Variants in RGSL1 observed in about 807,000 individuals in gnomAD.
RGSL1 encodes regulator of G protein signaling like 1, also known as regulator of G protein signaling protein-like.
RGSL1 carries 97 observed loss-of-function variants against 124.7 expected under a neutral mutation model. The ratio of observed to expected loss-of-function variants is 0.78; its 90% CI spans 0.66 to 0.92. The LOEUF (loss-of-function observed/expected upper bound fraction) is 0.92, where lower values mean the gene tolerates loss of function less well. RGSL1 is among the 40% of genes least tolerant of loss of function. The pLI, the probability that RGSL1 is intolerant of heterozygous loss-of-function variation, is 0.00. For synonymous variants in RGSL1, 424 were observed against 438.1 expected (o/e 0.97, Z 0.40); for missense variants, 1,233 against 1,288.4 (o/e 0.96, Z 0.66).
chr1:182,519,799 C>T (rs1658191193), intron 9 of RGSL1, among the ~76,000 whole-genome samples: 1 of 152,030 alleles, frequency 6.6e-6, no homozygotes, highest in Non-Finnish European at 1.5e-5. Context: ...GCATCTAACT[C>T]CTAGTTCAAC....
chr1:182,531,453 AAAC>A (rs1209834243), intron 13 of RGSL1, among the ~76,000 whole-genome samples: 5 of 152,208 alleles, frequency 3.3e-5, no homozygotes, highest in Non-Finnish European at 7.3e-5. Flanking sequence ...GGTTTGAGAA[AAAC>A]AACAACAAAA....
At chr1:182,488,874 A>G in intron 7 of RGSL1, 106 bp from the exon 8 acceptor site, 1 of 845,148 alleles carries the variant, frequency 1.2e-6, no homozygotes, top group Non-Finnish European at 1.9e-6. Context: ...CAACCTGCAT[A>G]AGACCATGTA....
intron 9 of RGSL1, among the ~76,000 whole-genome samples, chr1:182,501,076 AG>A (rs972131911): frequency 6.6e-6 from 1 of 152,124 alleles, no homozygotes; most frequent in African/African-American, 2.4e-5. Context: ...TCCTGAGCTG[AG>A]GGGCAAAGCT....
At chr1:182,539,894 T>G (rs1659779348) in intron 14 of RGSL1, among the ~76,000 whole-genome samples, 1 of 152,212 alleles carries the variant, frequency 6.6e-6, no homozygotes, top group African/African-American at 2.4e-5. Context: ...TGATAAAACT[T>G]GAGTAAGCAT....
chr1:182,502,421 A>T (rs796294588), intron 9 of RGSL1, among the ~76,000 whole-genome samples: 1 of 152,148 alleles, frequency 6.6e-6, no homozygotes, highest in South Asian at 2.1e-4. Flanking sequence ...ACAAAAAATT[A>T]AAAAATTAAC....
intron 4 of RGSL1, chr1:182,471,214 G>C (rs1324244648): frequency 2.2e-6 from 1 of 455,308 alleles, no homozygotes. Context: ...CTGGCAGTGT[G>C]CAAGGCTGGG....
intron 9 of RGSL1, among the ~76,000 whole-genome samples, chr1:182,514,478 G>A (rs1657709263): frequency 1.3e-5 from 2 of 152,078 alleles, no homozygotes; most frequent in African/African-American, 2.4e-5. Flanking sequence ...TGTTCCTCAG[G>A]GTCCCATTCA....
At chr1:182,530,683 A>G (rs1290043545) in intron 12 of RGSL1, 107 bp from the exon 13 acceptor site, 5 of 1,280,256 alleles carry the variant, frequency 3.9e-6, no homozygotes, top group Admixed American at 3.1e-5. Flanking sequence ...CTATTCCCCA[A>G]TTACCACTGA....
chr1:182,554,443 G>T (rs1011734788), intron 19 of RGSL1, among the ~76,000 whole-genome samples, 184 bp from the exon 20 acceptor site: 1 of 152,136 alleles, frequency 6.6e-6, no homozygotes, highest in African/African-American at 2.4e-5. Context: ...CACACAAATT[G>T]CAGCATAGAA....
At chr1:182,547,790 G>A (rs922844164) in intron 15 of RGSL1, among the ~76,000 whole-genome samples, 1 of 152,138 alleles carries the variant, frequency 6.6e-6, no homozygotes, top group East Asian at 1.9e-4. Flanking sequence ...GAACCCGGGA[G>A]GCCAAGCTTG....
chr1:182,527,859 C>T, intron 11 of RGSL1, 87 bp downstream of exon 11: 4 of 1,160,954 alleles, frequency 3.4e-6, no homozygotes, highest in African/African-American at 1.6e-5. Context: ...CATGTGAGCC[C>T]CCAGAGAGAG....
intron 4 of RGSL1, among the ~76,000 whole-genome samples, chr1:182,466,702 GTTTA>G (rs911992044): frequency 6.6e-6 from 1 of 152,122 alleles, no homozygotes; most frequent in Non-Finnish European, 1.5e-5. Context: ...TGCCTCTGAT[GTTTA>G]TTTATGGACT....
intron 14 of RGSL1, 138 bp downstream of exon 14, chr1:182,532,929 A>G: frequency 2.2e-6 from 2 of 918,892 alleles, no homozygotes; most frequent in Non-Finnish European, 1.6e-6. Flanking sequence ...CCTGTGTGCA[A>G]AGCCAGGCCC....
rs547043424 is a variant in RGSL1, at chr1:182,506,657, A to G, written c.1825+13528A>G. ...ATATTTTTGTTTCCATTTAAATCCA[A>G]TCTGACAATTGCCTTTTAGTAAGCA... On this transcript the variant is annotated intron_variant, in intron 9 of 21. Coordinates refer to ENST00000294854, the MANE Select transcript of RGSL1 (RefSeq NM_001137669.2). Among the ~76,000 whole-genome samples, 22 of 152,216 alleles carry G rather than the reference A, an allele frequency of 1.4e-4. 1 individual carries two copies. The highest frequency in any genetic ancestry group is 5.1e-4 in the African/African-American group (21 of 41,546).
chr1:182,458,422 T>C, intron 3 of RGSL1, 29 bp downstream of exon 3: 1 of 1,499,202 alleles, frequency 6.7e-7, no homozygotes, highest in Non-Finnish European at 9.1e-7. Context: ...AGGTAGAGAG[T>C]TTAGGGTGGA....
chr1:182,516,625 T>C (rs958540588), intron 9 of RGSL1, among the ~76,000 whole-genome samples: 1 of 152,222 alleles, frequency 6.6e-6, no homozygotes, highest in African/African-American at 2.4e-5. Context: ...TTTTGCATTG[T>C]GGTTACCATA....
chr1:182,538,129 A>C (rs1659662374), intron 14 of RGSL1, among the ~76,000 whole-genome samples: 1 of 152,168 alleles, frequency 6.6e-6, no homozygotes, highest in African/African-American at 2.4e-5. Flanking sequence ...AGTGTCTTAA[A>C]AACTGTTTCA....
chr1:182,465,705 G>A lies in RGSL1; in HGVS notation c.301+5572G>A, dbSNP rs1235009800. 2.0e-5 allele frequency among the ~76,000 whole-genome samples: 3 copies of A among 151,976 alleles called. No individual in the cohort carries two copies. In the East Asian group the frequency reaches 5.8e-4, roughly 29 times the overall value. On this transcript the variant is annotated intron_variant, in intron 4 of 21. Transcript: ENST00000294854. ...GACAAAGAAAAGTCCTGGACCTGATGGTTTTACTGGTGACTTATACCCCAA... is the reference window on the plus strand; with the variant it reads ...GACAAAGAAAAGTCCTGGACCTGATAGTTTTACTGGTGACTTATACCCCAA...
chr1:182,535,486 G>A (rs1017975705), intron 14 of RGSL1, among the ~76,000 whole-genome samples: 5 of 152,142 alleles, frequency 3.3e-5, no homozygotes, highest in African/African-American at 1.2e-4. Context: ...TCACTGAGTA[G>A]GCTGCCTGTC....
Sources: gnomAD v4.1 joint callset for allele counts (sites outside exome capture counted in the v4.1 genomes callset) on GRCh38, gnomAD v4.1.1 for gene constraint, MANE v1.5 for transcripts, NCBI Gene and HGNC (gene_info 2026-07-23, HGNC 2026-07-21) for gene names.